Variants in C12orf42 observed in about 807,000 individuals in gnomAD.
The protein encoded by C12orf42 is uncharacterized protein C12orf42.
In C12orf42, 25 loss-of-function variants were observed where a neutral mutation model predicts 21.6. The observed-to-expected ratio is 1.16, with a 90% CI of 0.84 to 1.62. The LOEUF (loss-of-function observed/expected upper bound fraction) is 1.62, where lower values mean the gene tolerates loss of function less well. Ranked by LOEUF, C12orf42 falls within the 40% of genes most tolerant of loss-of-function variation. The pLI, the probability that C12orf42 is intolerant of heterozygous loss-of-function variation, is 0.00. For missense variants in C12orf42, 483 were observed against 459.3 expected (o/e 1.05, Z -0.47); for synonymous variants, 174 against 175.0 (o/e 0.99, Z 0.05).
At chr12:103,062,248 T>C in the C12orf42 span, among the ~76,000 whole-genome samples, 1 of 151,664 alleles carries the variant, frequency 6.6e-6, no homozygotes, top group East Asian at 1.9e-4. Context: ...TTTCTTTCTT[T>C]CTGCATTTCT....
intron 4 of C12orf42, among the ~76,000 whole-genome samples, chr12:103,308,089 C>G (rs542057513): frequency 4.6e-5 from 7 of 152,116 alleles, no homozygotes; most frequent in Admixed American, 1.3e-4. Context: ...TACTCTGCCT[C>G]AGTTTCTCAT....
At chr12:103,482,968 T>C (rs1300087687) in intron 1 of C12orf42, among the ~76,000 whole-genome samples, 2 of 152,188 alleles carry the variant, frequency 1.3e-5, no homozygotes, top group African/African-American at 4.8e-5. Flanking sequence ...GATTTTACTT[T>C]ATGCATCTGT....
chr12:103,535,691 C>T, the C12orf42 span, among the ~76,000 whole-genome samples: 18 of 152,040 alleles, frequency 1.2e-4, no homozygotes, highest in Non-Finnish European at 2.4e-4. Context: ...CTATATGAAG[C>T]CATAAAAATA....
At chr12:103,543,682 T>C in the C12orf42 span, among the ~76,000 whole-genome samples, 1 of 152,100 alleles carries the variant, frequency 6.6e-6, no homozygotes, top group Non-Finnish European at 1.5e-5. Flanking sequence ...TGTTGTGTGA[T>C]GTAGTTAATT....
chr12:103,324,379 CTT>C (rs760101157), intron 4 of C12orf42, among the ~76,000 whole-genome samples: 1 of 152,134 alleles, frequency 6.6e-6, no homozygotes, highest in East Asian at 1.9e-4. Flanking sequence ...TAATTAATAA[CTT>C]ATTAAGTCTC....
chr12:103,334,665 C>T (rs1174112586), intron 4 of C12orf42, among the ~76,000 whole-genome samples: 1 of 152,114 alleles, frequency 6.6e-6, no homozygotes, highest in Non-Finnish European at 1.5e-5. Flanking sequence ...CCAGCCCCAG[C>T]CCATCTGTTC....
the C12orf42 span, among the ~76,000 whole-genome samples, chr12:103,531,679 C>T: frequency 6.6e-6 from 1 of 152,280 alleles, no homozygotes; most frequent in African/African-American, 2.4e-5. Flanking sequence ...ATATCAATTC[C>T]TAGAATCTGA....
At chr12:103,532,266 G>A in the C12orf42 span, among the ~76,000 whole-genome samples, 3 of 152,228 alleles carry the variant, frequency 2.0e-5, no homozygotes, top group Admixed American at 6.5e-5. Context: ...CCGTGCAGCC[G>A]TGAAAAACCA....
chr12:103,494,393 C>T (rs546055027), intron 1 of C12orf42, among the ~76,000 whole-genome samples: 3 of 152,296 alleles, frequency 2.0e-5, no homozygotes, highest in Admixed American at 6.5e-5. Flanking sequence ...ACATTAGTTT[C>T]GACAGCTCTG....
chr12:103,452,842 C>A (rs1398542127), intron 2 of C12orf42, among the ~76,000 whole-genome samples: 2 of 151,166 alleles, frequency 1.3e-5, no homozygotes, highest in African/African-American at 4.9e-5. Context: ...CACTTGGACA[C>A]AGGAAGAGGA....
chr12:103,086,278 G>T, the C12orf42 span, among the ~76,000 whole-genome samples: 38 of 151,958 alleles, frequency 2.5e-4, no homozygotes, highest in Middle Eastern at 6.8e-3. Context: ...AAGATGAGCT[G>T]CTAACACTTC....
the C12orf42 span, among the ~76,000 whole-genome samples, chr12:103,522,398 C>T: frequency 6.6e-6 from 1 of 152,128 alleles, no homozygotes; most frequent in African/African-American, 2.4e-5. Flanking sequence ...TGTGAATGGA[C>T]TAATACAGCT....
the C12orf42 span, among the ~76,000 whole-genome samples, chr12:103,149,909 T>C: frequency 6.6e-6 from 1 of 152,178 alleles, no homozygotes; most frequent in African/African-American, 2.4e-5. Context: ...AGAAGCATCT[T>C]TAAGGTTTAA....
the C12orf42 span, among the ~76,000 whole-genome samples, chr12:103,069,821 C>T: frequency 5.3e-5 from 8 of 152,100 alleles, no homozygotes; most frequent in Admixed American, 1.3e-4. Context: ...TATAGAATTG[C>T]GGTTGAAGTA....
At chr12:103,249,903 G>T (rs373065786) in intron 10 of C12orf42, among the ~76,000 whole-genome samples, 3 of 152,052 alleles carry the variant, frequency 2.0e-5, no homozygotes, top group Non-Finnish European at 4.4e-5. Flanking sequence ...ACTCACCAGG[G>T]CTAGTTGCTA....
At chr12:103,200,120 T>G in the C12orf42 span, among the ~76,000 whole-genome samples, 137 of 152,218 alleles carry the variant, frequency 9.0e-4, no homozygotes, top group Non-Finnish European at 1.4e-3. Context: ...AAATACGGTA[T>G]ACACATATGT....
At chr12:103,239,522 C>A (rs764836726) in intron 10 of C12orf42, among the ~76,000 whole-genome samples, 1 of 152,144 alleles carries the variant, frequency 6.6e-6, no homozygotes. Context: ...AGAGTCAACC[C>A]GCTCCTTCAG....
the C12orf42 span, among the ~76,000 whole-genome samples, chr12:103,553,581 T>C: frequency 6.6e-6 from 1 of 152,216 alleles, no homozygotes. Flanking sequence ...TAGTGTTATT[T>C]ATAAGACCAT....
At chr12:103,518,844 C>T in the C12orf42 span, among the ~76,000 whole-genome samples, 17 of 152,188 alleles carry the variant, frequency 1.1e-4, no homozygotes, top group African/African-American at 1.9e-4. Flanking sequence ...ATTTAAATAA[C>T]GTACTCAAGA....
Sources: gnomAD v4.1 joint callset for allele counts (sites outside exome capture counted in the v4.1 genomes callset) on GRCh38, gnomAD v4.1.1 for gene constraint, MANE v1.5 for transcripts, NCBI Gene and HGNC (gene_info 2026-07-23, HGNC 2026-07-21) for gene names.